Variants in NDST3 observed in about 807,000 individuals in gnomAD.
The protein encoded by NDST3 is N-deacetylase and N-sulfotransferase 3.
A neutral mutation model predicts 96.1 loss-of-function variants in NDST3; 58 were observed. The observed-to-expected ratio is 0.60, with a 90% CI of 0.49 to 0.75. The LOEUF (loss-of-function observed/expected upper bound fraction) is 0.75. NDST3 is among the 30% of genes least tolerant of loss of function. The pLI is 0.00. For synonymous variants in NDST3, 333 were observed against 359.7 expected (o/e 0.93, Z 0.84); for missense variants, 788 against 1,034.2 (o/e 0.76, Z 3.27).
intron 6 of NDST3, among the ~76,000 whole-genome samples, chr4:118,153,658 T>C (rs1445470044): frequency 6.6e-6 from 1 of 151,982 alleles, no homozygotes; most frequent in Non-Finnish European, 1.5e-5. Flanking sequence ...ACCCAGTCTA[T>C]ACTAAAAATA....
At chr4:118,223,778 G>GA (rs1739695058) in intron 6 of NDST3, among the ~76,000 whole-genome samples, 1 of 151,826 alleles carries the variant, frequency 6.6e-6, no homozygotes, top group Non-Finnish European at 1.5e-5. Context: ...TATATTTTAG[G>GA]AAAGTACTAT....
chr4:118,219,109 C>T (rs1364015209), intron 6 of NDST3, among the ~76,000 whole-genome samples: 1 of 152,138 alleles, frequency 6.6e-6, no homozygotes, highest in Non-Finnish European at 1.5e-5. Flanking sequence ...AATGGCCATA[C>T]TGCCCAAAGT....
chr4:118,081,616 T>TCATGGATGA (rs1441960139), intron 2 of NDST3, among the ~76,000 whole-genome samples: 1 of 152,164 alleles, frequency 6.6e-6, no homozygotes, highest in African/African-American at 2.4e-5. Context: ...AGGCAAAGGC[T>TCATGGATGA]GTTATGGGCT....
At chr4:118,119,280 T>C (rs1460739810) in intron 4 of NDST3, among the ~76,000 whole-genome samples, 2 of 152,236 alleles carry the variant, frequency 1.3e-5, no homozygotes, top group African/African-American at 2.4e-5. Context: ...ATAAAGATTA[T>C]AGTATCAAAA....
intron 2 of NDST3, among the ~76,000 whole-genome samples, chr4:118,057,884 GA>G (rs1186315940): frequency 2.0e-5 from 3 of 152,004 alleles, no homozygotes; most frequent in Non-Finnish European, 4.4e-5. Context: ...CTGGTTCTAG[GA>G]AGACCAACCG....
At chr4:118,167,610 T>C (rs1485344425) in intron 6 of NDST3, among the ~76,000 whole-genome samples, 4 of 151,868 alleles carry the variant, frequency 2.6e-5, no homozygotes, top group African/African-American at 7.2e-5. Flanking sequence ...CAAAACAATT[T>C]TGAGACAGGA....
chr4:118,089,252 A>G (rs1011517471), intron 2 of NDST3, among the ~76,000 whole-genome samples: 1 of 151,978 alleles, frequency 6.6e-6, no homozygotes, highest in Non-Finnish European at 1.5e-5. Context: ...TATGTTCTCC[A>G]TGGTATGCAG....
chr4:118,152,770 T>C (rs758440507), intron 6 of NDST3, among the ~76,000 whole-genome samples: 1 of 152,188 alleles, frequency 6.6e-6, no homozygotes, highest in Non-Finnish European at 1.5e-5. Context: ...GTTTCTGCAG[T>C]AGTTAATTAA....
chr4:118,148,600 C>A (rs1369466730), intron 6 of NDST3, among the ~76,000 whole-genome samples: 2 of 151,940 alleles, frequency 1.3e-5, no homozygotes, highest in Non-Finnish European at 2.9e-5. Context: ...CTAGGATTAA[C>A]ACATAGATTG....
chr4:118,094,977 T>C (rs1729175284), intron 2 of NDST3, among the ~76,000 whole-genome samples: 1 of 151,882 alleles, frequency 6.6e-6, no homozygotes, highest in African/African-American at 2.4e-5. Flanking sequence ...TTAATTAGCT[T>C]AATTTCACCA....
intron 9 of NDST3, among the ~76,000 whole-genome samples, chr4:118,236,222 T>C (rs1480856210): frequency 6.6e-6 from 1 of 152,232 alleles, no homozygotes; most frequent in East Asian, 1.9e-4. Context: ...CTAAAGGATG[T>C]TCCTTAGTGC....
intron 6 of NDST3, among the ~76,000 whole-genome samples, chr4:118,186,398 A>T (rs191722235): frequency 6.6e-6 from 1 of 152,338 alleles, no homozygotes; most frequent in Non-Finnish European, 1.5e-5. Context: ...GCACACGATC[A>T]CAAGGTCTCA....
intron 5 of NDST3, among the ~76,000 whole-genome samples, chr4:118,141,400 C>T (rs891369896): frequency 6.6e-6 from 1 of 152,278 alleles, no homozygotes; most frequent in Non-Finnish European, 1.5e-5. Flanking sequence ...TCCTGATCAT[C>T]TCCTTAGCCT....
chr4:118,225,190 T>C (rs1029816951), intron 7 of NDST3, among the ~76,000 whole-genome samples: 1 of 152,152 alleles, frequency 6.6e-6, no homozygotes, highest in African/African-American at 2.4e-5. Flanking sequence ...AAGCATTTCA[T>C]GGGAAAATCA....
chr4:118,250,206 C>T (rs1335706804), intron 12 of NDST3, among the ~76,000 whole-genome samples: 1 of 152,146 alleles, frequency 6.6e-6, no homozygotes, highest in Non-Finnish European at 1.5e-5. Flanking sequence ...CGAGTAAAAA[C>T]CTAGAAATGG....
chr4:118,184,900 G>A (rs1736842734), intron 6 of NDST3, among the ~76,000 whole-genome samples: 1 of 151,924 alleles, frequency 6.6e-6, no homozygotes, highest in Admixed American at 6.6e-5. Flanking sequence ...TCCATGAAGT[G>A]GCTTTTTCTT....
intron 1 of NDST3, among the ~76,000 whole-genome samples, chr4:118,044,704 T>C (rs1357962282): frequency 1.3e-5 from 2 of 152,216 alleles, no homozygotes; most frequent in East Asian, 1.9e-4. Flanking sequence ...ACAATTTATA[T>C]GGCTCACAGT....
At chr4:118,167,880 C>G (rs1358714690) in intron 6 of NDST3, among the ~76,000 whole-genome samples, 2 of 151,830 alleles carry the variant, frequency 1.3e-5, no homozygotes, top group East Asian at 3.9e-4. Flanking sequence ...AAAATGGACC[C>G]TTATCATACA....
At chr4:118,147,852 T>C (rs1198056668) in intron 6 of NDST3, among the ~76,000 whole-genome samples, 2 of 152,170 alleles carry the variant, frequency 1.3e-5, no homozygotes, top group African/African-American at 2.4e-5. Flanking sequence ...ATGTTATGAG[T>C]CTTTGCTTAT....
Sources: gnomAD v4.1 joint callset for allele counts (sites outside exome capture counted in the v4.1 genomes callset) on GRCh38, gnomAD v4.1.1 for gene constraint, MANE v1.5 for transcripts, NCBI Gene and HGNC (gene_info 2026-07-23, HGNC 2026-07-21) for gene names.